SNX29: variants seen among roughly 807,000 people sequenced by gnomAD.
SNX29 encodes the protein sorting nexin 29.
Under a neutral mutation model 102.1 loss-of-function variants are expected in SNX29, and 78 were observed. The ratio of observed to expected loss-of-function variants is 0.76; its 90% CI spans 0.64 to 0.92. SNX29 has a LOEUF of 0.92. Among genes scored for constraint, SNX29 ranks in the 40% least tolerant of loss-of-function variants. The pLI is 0.00. For missense variants in SNX29, 1,280 were observed against 1,061.7 expected (o/e 1.21, Z -2.86); for synonymous variants, 580 against 414.5 (o/e 1.40, Z -4.85).
intron 20 of SNX29, among the ~76,000 whole-genome samples, chr16:12,525,593 G>A (rs906454131): frequency 1.3e-5 from 2 of 151,818 alleles, no homozygotes; most frequent in African/African-American, 4.8e-5. Context: ...TTGGGAGGCT[G>A]AGGCAGGAGA....
At chr16:12,561,138 A>T (rs766339146) in intron 20 of SNX29, 2 of 228,796 alleles carry the variant, frequency 8.7e-6, no homozygotes, top group Non-Finnish European at 1.7e-5. Flanking sequence ...CCTGAGGCCC[A>T]GGTGTTGCCT....
At chr16:12,302,439 C>A (rs1462310911) in intron 15 of SNX29, among the ~76,000 whole-genome samples, 1 of 152,252 alleles carries the variant, frequency 6.6e-6, no homozygotes, top group East Asian at 1.9e-4. Flanking sequence ...TTATAAACAA[C>A]AAAAATGTAT....
At chr16:12,022,202 CT>C (rs536499880) in intron 3 of SNX29, among the ~76,000 whole-genome samples, 13,239 of 118,990 alleles carry the variant, frequency 0.11, 788 homozygotes, top group Non-Finnish European at 0.17. Flanking sequence ...GATTTTTGTG[CT>C]TTTTTTTTTT....
chr16:12,522,433 GT>G, intron 19 of SNX29, among the ~76,000 whole-genome samples: 1 of 152,160 alleles, frequency 6.6e-6, no homozygotes, highest in Middle Eastern at 3.4e-3. Flanking sequence ...TTTTTGATTT[GT>G]TTTTATTTTT....
At chr16:11,987,698 A>C (rs73515607) in intron 1 of SNX29, among the ~76,000 whole-genome samples, 2,626 of 152,006 alleles carry the variant, frequency 0.017, 87 homozygotes, top group African/African-American at 0.06. Flanking sequence ...CCTGATTCTG[A>C]CTCTTACTCT....
At chr16:12,239,639 C>CAAAAAAA (rs61024203) in intron 14 of SNX29, among the ~76,000 whole-genome samples, 23 of 62,566 alleles carry the variant, frequency 3.7e-4, no homozygotes, top group African/African-American at 1.3e-3. Flanking sequence ...CCTGTTTCTA[C>CAAAAAAA]AAAAAAAAAA....
At chr16:12,562,273 C>G (rs966944380) in intron 20 of SNX29, among the ~76,000 whole-genome samples, 1 of 152,176 alleles carries the variant, frequency 6.6e-6, no homozygotes, top group Non-Finnish European at 1.5e-5. Flanking sequence ...TCCCCATGGG[C>G]CACGCTCTAT....
At chr16:12,392,349 C>G (rs1023451334) in intron 16 of SNX29, among the ~76,000 whole-genome samples, 16 of 152,292 alleles carry the variant, frequency 1.1e-4, no homozygotes, top group Non-Finnish European at 2.1e-4. Context: ...GTCCATCACT[C>G]TTTATTTCTT....
At chr16:12,566,842 T>C (rs1382204229) in intron 20 of SNX29, among the ~76,000 whole-genome samples, 8 of 152,234 alleles carry the variant, frequency 5.3e-5, no homozygotes, top group Admixed American at 4.6e-4. Context: ...CAAGGTCAAA[T>C]GTTTCTTTTT....
chr16:12,366,893 T>G (rs1210877585), intron 16 of SNX29: 1 of 135,904 alleles, frequency 7.4e-6, no homozygotes. Flanking sequence ...TGCCTGACTC[T>G]CTCTCTCTGT....
intron 13 of SNX29, among the ~76,000 whole-genome samples, chr16:12,164,636 C>A (rs1236023182): frequency 7.1e-6 from 1 of 139,958 alleles, no homozygotes; most frequent in Non-Finnish European, 1.5e-5. Flanking sequence ...ATGGGATTTT[C>A]TTACTTTGGG....
rs549964420 is a variant in SNX29 at position 12,268,435 on chromosome 16, C to T, written c.1679-9498C>T. ...CAGGGTCTGTTTCATCGCAGAGCTC[C>T]GGGGTCTTGTTGCCCGTGTTTCTCC... On this transcript the variant is annotated intron_variant, in intron 14 of 20. Transcript: ENST00000566228. Among the ~76,000 whole-genome samples, 396 of 152,292 alleles carry T rather than the reference C, an allele frequency of 2.6e-3. 2 individuals are homozygous for T. Among genetic ancestry groups the T allele is most frequent in the African/African-American group, 8.6e-3 (356 of 41,550 alleles).
chr16:12,233,606 CACAA>C (rs1343230772), intron 14 of SNX29, among the ~76,000 whole-genome samples: 3 of 152,336 alleles, frequency 2.0e-5, no homozygotes, highest in African/African-American at 4.8e-5. Flanking sequence ...AAAAAAACCA[CACAA>C]ACAACTTTAT....
chr16:12,213,082 C>G (rs946084027), intron 14 of SNX29, among the ~76,000 whole-genome samples: 1 of 152,070 alleles, frequency 6.6e-6, no homozygotes, highest in African/African-American at 2.4e-5. Flanking sequence ...CCACTGCACT[C>G]CAGCCTGGGT....
At chr16:12,343,735 G>C (rs1444154759) in intron 15 of SNX29, among the ~76,000 whole-genome samples, 1 of 150,754 alleles carries the variant, frequency 6.6e-6, no homozygotes, top group Non-Finnish European at 1.5e-5. Flanking sequence ...GGCAGGGGCA[G>C]GGTCCTTGTC....
intron 18 of SNX29, among the ~76,000 whole-genome samples, chr16:12,466,522 A>G (rs1471378695): frequency 6.6e-6 from 1 of 152,224 alleles, no homozygotes; most frequent in Non-Finnish European, 1.5e-5. Flanking sequence ...ACCTGCCGTC[A>G]GATGTGGCAC....
At chr16:12,287,300 T>G (rs2079630611) in intron 15 of SNX29, among the ~76,000 whole-genome samples, 1 of 152,184 alleles carries the variant, frequency 6.6e-6, no homozygotes, top group Non-Finnish European at 1.5e-5. Flanking sequence ...TGGTCTCCTT[T>G]ACAAACAGAC....
intron 15 of SNX29, among the ~76,000 whole-genome samples, chr16:12,328,076 G>A (rs919287955): frequency 6.6e-6 from 1 of 152,094 alleles, no homozygotes; most frequent in East Asian, 1.9e-4. Flanking sequence ...CCAGAGCCTC[G>A]GGTTGCCCAT....
At chr16:11,991,360 G>T (rs978539976) in intron 1 of SNX29, among the ~76,000 whole-genome samples, 3 of 152,128 alleles carry the variant, frequency 2.0e-5, no homozygotes, top group African/African-American at 7.2e-5. Flanking sequence ...CTGAGGCAGG[G>T]GTGGCTGTCA....
Sources: allele counts gnomAD v4.1 joint callset (sites outside exome capture counted in the v4.1 genomes callset), GRCh38; gene constraint gnomAD v4.1.1; transcripts MANE v1.5; gene names NCBI Gene and HGNC (gene_info 2026-07-23, HGNC 2026-07-21).